The following TGFBR3 variants were observed in gnomAD, a reference collection of about 807,000 sequenced individuals.
TGFBR3 encodes transforming growth factor beta receptor 3.
TGFBR3 carries 46 observed loss-of-function variants against 87.9 expected under a neutral mutation model. The ratio of observed to expected loss-of-function variants is 0.52; its 90% CI spans 0.41 to 0.67. The LOEUF is 0.67. TGFBR3 is among the 30% of genes least tolerant of loss of function. The pLI is 0.00. For missense variants in TGFBR3, 866 were observed against 1,041.9 expected, an observed-to-expected ratio of 0.83 and a Z score of 2.32; for synonymous variants, 381 against 391.6, an observed-to-expected ratio of 0.97 and a Z score of 0.32.
intron 14 of TGFBR3, among the ~76,000 whole-genome samples, chr1:91,707,143 CTCCTT>C (rs1671825657): frequency 6.6e-6 from 1 of 152,228 alleles, no homozygotes. Flanking sequence ...GTCCAAACCT[CTCCTT>C]TCCAGATAGA....
chr1:91,712,547 G>A lies in TGFBR3; in HGVS notation c.1867-5C>T, dbSNP rs774692068. ...TTCAGCCTTAGTAACAGATACCTATGAAAGAACAGAAAGATGAATTAGGAA... is the reference window on the plus strand; with the variant it reads ...TTCAGCCTTAGTAACAGATACCTATAAAAGAACAGAAAGATGAATTAGGAA... On this transcript the variant is annotated splice_region_variant and splice_polypyrimidine_tract_variant and intron_variant, in intron 12 of 16. Coordinates refer to ENST00000212355, the MANE Select transcript of TGFBR3 (RefSeq NM_003243.5). 9 of 1,613,804 alleles carry A rather than the reference G, an allele frequency of 5.6e-6. No individual in the cohort carries two copies. The highest frequency in any genetic ancestry group is 6.8e-6 in the Non-Finnish European group (8 of 1,179,914).
At chr1:91,698,941 A>T (rs2810885) in intron 14 of TGFBR3, among the ~76,000 whole-genome samples, 39,595 of 149,594 alleles carry the variant, frequency 0.26, 5,584 homozygotes, top group South Asian at 0.38. Flanking sequence ...CCTTATCTCC[A>T]CCACTACCCT....
At chr1:91,691,709 A>G (rs1411817882) in intron 16 of TGFBR3, among the ~76,000 whole-genome samples, 1 of 152,220 alleles carries the variant, frequency 6.6e-6, no homozygotes, top group Non-Finnish European at 1.5e-5. Context: ...AGATCATAGG[A>G]AGACAGCAGT....
At chr1:91,744,187 C>A (rs925406336) in intron 4 of TGFBR3, among the ~76,000 whole-genome samples, 3 of 150,940 alleles carry the variant, frequency 2.0e-5, no homozygotes, top group Admixed American at 1.3e-4. Flanking sequence ...CAGGTTCAAG[C>A]GATTCTCCTG....
rs1446369372 is a variant in TGFBR3 at position 91,881,813 on chromosome 1, G to A, written c.-114+4065C>T. Among the ~76,000 whole-genome samples the A allele has an allele frequency of 3.3e-5, 5 of 152,232 alleles. No homozygotes were observed. The East Asian group carries it at 7.7e-4, about 24-fold the overall frequency. On this transcript the variant is annotated intron_variant, in intron 1 of 16. Coordinates refer to ENST00000212355, the MANE Select transcript of TGFBR3 (RefSeq NM_003243.5). ...CCAGCACTTTGGGAGGCCGAGGCGG[G>A]TGGATCATGAGGTCAGGAGATCAAG...
intron 16 of TGFBR3, among the ~76,000 whole-genome samples, chr1:91,686,203 A>C (rs4658259): frequency 0.12 from 18,335 of 152,204 alleles, 1,424 homozygotes; most frequent in Non-Finnish European, 0.17. Flanking sequence ...GGAAGCCTGA[A>C]TATCTGCTTT....
rs1395189030 is a variant in TGFBR3, at chr1:91,818,277, CCTTTTTTTTTTTT to C, written c.62-20819_62-20807del. On this transcript the variant is annotated intron_variant, in intron 2 of 16. Transcript: ENST00000212355. ...CTGCACCATTTCCCCTTAGCCCCAG[CCTTTTTTTTTTTT>C]TTTTTTTTTTTTTTTTTTTTTTTTT... Among the ~76,000 whole-genome samples the C allele has an allele frequency of 1.2e-3, 144 of 123,136 alleles. 23 individuals are homozygous for C. The highest frequency in any genetic ancestry group is 4.1e-3 in the African/African-American group (139 of 34,058). The allele number at this position is 123,136 out of a possible 152,430, so 80.8% of individuals were successfully genotyped here.
At chr1:91,868,104 G>A (rs1336316359) in intron 1 of TGFBR3, among the ~76,000 whole-genome samples, 1 of 152,154 alleles carries the variant, frequency 6.6e-6, no homozygotes, top group African/African-American at 2.4e-5. Context: ...TTTTAGTAGA[G>A]ACAGGGTTTC....
At chr1:91,893,749 TA>T (rs1323726379) in intron 2 of TGFBR3, among the ~76,000 whole-genome samples, 1 of 152,076 alleles carries the variant, frequency 6.6e-6, no homozygotes, top group Non-Finnish European at 1.5e-5. Context: ...TAAAAGACAT[TA>T]TTTGCTTATA....
Position 91,861,585 on chromosome 1 carries a change from C to T in TGFBR3, c.-54G>A. On this transcript the variant is annotated 5_prime_UTR_variant, in exon 2 of 17. In the 5' UTR this introduces an upstream ATG that the reference lacks. Coordinates refer to ENST00000212355, the MANE Select transcript of TGFBR3 (RefSeq NM_003243.5). ...CAGTCACTTCAGCCTGCTCAGAGCA[C>T]AGACAATCTTTGCAAATCAGAAGTA... 1 of 1,420,032 alleles carries T rather than the reference C, an allele frequency of 7.0e-7. No individual in the cohort carries two copies. The highest frequency in any genetic ancestry group is 1.1e-5 in the South Asian group (1 of 87,054). The allele number at this position is 1,420,032 out of a possible 1,614,324, so 88.0% of individuals were successfully genotyped here. A position where few individuals can be genotyped will look rare whatever the true frequency, so the allele number is the denominator to read the frequency against.
chr1:91,710,439 G>A (rs973511144), intron 13 of TGFBR3, among the ~76,000 whole-genome samples: 39 of 151,966 alleles, frequency 2.6e-4, no homozygotes, highest in African/African-American at 7.3e-4. Flanking sequence ...CTATGATTCC[G>A]CATTTAACTC....
At chr1:91,692,459 A>G (rs1671298501) in intron 16 of TGFBR3, among the ~76,000 whole-genome samples, 1 of 152,182 alleles carries the variant, frequency 6.6e-6, no homozygotes, top group Non-Finnish European at 1.5e-5. Context: ...ACTTTGATGA[A>G]GCTAAAAAGT....
chr1:91,901,734 C>A (rs1679724143), intron 1 of TGFBR3, among the ~76,000 whole-genome samples: 1 of 144,092 alleles, frequency 6.9e-6, no homozygotes, highest in Non-Finnish European at 1.5e-5. Flanking sequence ...GACAACATAG[C>A]AAGACCTGGT....
chr1:91,875,318 G>A (rs1678740024), intron 1 of TGFBR3, among the ~76,000 whole-genome samples: 1 of 152,166 alleles, frequency 6.6e-6, no homozygotes, highest in Admixed American at 6.5e-5. Context: ...GGGAAATACA[G>A]AAGGTGACAC....
At chr1:91,838,691 G>A (rs1485475195) in intron 2 of TGFBR3, among the ~76,000 whole-genome samples, 1 of 147,808 alleles carries the variant, frequency 6.8e-6, no homozygotes, top group African/African-American at 2.5e-5. Flanking sequence ...GGATGGTCTT[G>A]ATCTCCTGAC....
intron 4 of TGFBR3, among the ~76,000 whole-genome samples, chr1:91,749,402 T>G (rs1052141881): frequency 1.3e-5 from 2 of 152,132 alleles, no homozygotes; most frequent in Non-Finnish European, 2.9e-5. Flanking sequence ...GGACCCACAG[T>G]TGCAACAAAG....
chr1:91,758,535 T>A, intron 4 of TGFBR3, 78 bp downstream of exon 4: 1 of 1,531,294 alleles, frequency 6.5e-7, no homozygotes, highest in Middle Eastern at 1.7e-4. Context: ...AGTAAGCCTT[T>A]ATGAAAAGTT....
At chr1:91,757,009 G>A (rs1386031493) in intron 4 of TGFBR3, among the ~76,000 whole-genome samples, 5 of 151,978 alleles carry the variant, frequency 3.3e-5, no homozygotes, top group Non-Finnish European at 5.9e-5. Context: ...TTAATCTATA[G>A]GCTCAATTAT....
chr1:91,773,055 T>A (rs546388433), intron 3 of TGFBR3, among the ~76,000 whole-genome samples: 6 of 152,242 alleles, frequency 3.9e-5, no homozygotes, highest in Non-Finnish European at 8.8e-5. Flanking sequence ...TTTGCCTTCC[T>A]CCTAATGTAA....
Sources: allele counts gnomAD v4.1 joint callset (sites outside exome capture counted in the v4.1 genomes callset), GRCh38; gene constraint gnomAD v4.1.1; transcripts MANE v1.5; gene names NCBI Gene and HGNC (gene_info 2026-07-23, HGNC 2026-07-21).